ENPP6: variants seen among roughly 807,000 people sequenced by gnomAD.
ENPP6 encodes the protein glycerophosphocholine cholinephosphodiesterase ENPP6.
ENPP6 carries 32 observed loss-of-function variants against 42.0 expected under a neutral mutation model. The ratio of observed to expected loss-of-function variants is 0.76; its 90% CI spans 0.58 to 1.02. The LOEUF (loss-of-function observed/expected upper bound fraction) is 1.02. ENPP6 is among the 50% of genes least tolerant of loss of function. The pLI is 0.00. For synonymous variants in ENPP6, 213 were observed against 216.0 expected (o/e 0.99, Z 0.12); for missense variants, 552 against 566.8 (o/e 0.97, Z 0.27).
At chr4:184,108,114 A>G (rs534594759) in intron 6 of ENPP6, among the ~76,000 whole-genome samples, 17 of 152,284 alleles carry the variant, frequency 1.1e-4, no homozygotes, top group Admixed American at 3.3e-4. Context: ...CAAATCTTCC[A>G]TGTTTCTGGG....
At chr4:184,105,446 T>A (rs28468514) in intron 6 of ENPP6, among the ~76,000 whole-genome samples, 50,374 of 152,048 alleles carry the variant, frequency 0.33, 9,361 homozygotes, top group Non-Finnish European at 0.43. Flanking sequence ...TCTGCTGAAA[T>A]GTTTAGAACA....
chr4:184,171,341 G>A (rs1737457779), intron 1 of ENPP6, among the ~76,000 whole-genome samples: 1 of 152,238 alleles, frequency 6.6e-6, no homozygotes, highest in South Asian at 2.1e-4. Flanking sequence ...CACCCCAAGA[G>A]AGCAAAGAGA....
At chr4:184,166,341 T>C (rs1737346934) in intron 1 of ENPP6, among the ~76,000 whole-genome samples, 1 of 152,138 alleles carries the variant, frequency 6.6e-6, no homozygotes, top group Non-Finnish European at 1.5e-5. Context: ...AGAGGAGACA[T>C]CTTTGATTAG....
chr4:184,151,737 G>T (rs1737028674), intron 2 of ENPP6, among the ~76,000 whole-genome samples: 1 of 152,046 alleles, frequency 6.6e-6, no homozygotes, highest in South Asian at 2.1e-4. Flanking sequence ...TGATAATAAT[G>T]CCTCTGAGAA....
chr4:184,143,970 C>A (rs748972725), intron 2 of ENPP6, among the ~76,000 whole-genome samples: 3 of 152,222 alleles, frequency 2.0e-5, no homozygotes, highest in Admixed American at 6.5e-5. Context: ...TCTGTCCCAC[C>A]ACAGCGAAGT....
At chr4:184,144,612 C>A (rs1368278891) in intron 2 of ENPP6, among the ~76,000 whole-genome samples, 1 of 152,222 alleles carries the variant, frequency 6.6e-6, no homozygotes, top group Admixed American at 6.5e-5. Context: ...AATGGCCTAA[C>A]TAAGGTAGGA....
rs750289408 is a variant in ENPP6 at position 184,153,694 on chromosome 4, A to G, written c.281T>C (p.Met94Thr). 17 of 1,614,040 alleles carry G rather than the reference A, an allele frequency of 1.1e-5. No homozygotes were observed. Among genetic ancestry groups the G allele is most frequent in the Non-Finnish European group, 1.1e-5 (13 of 1,180,028 alleles). The part of the protein sequence containing the change: ...CEVHQMIGNY[M>T]WDPTTNKSFD... ...GGACTTGTTGGTGGTGGGGTCCCAC[A>G]TGTAGTTCCCGATCATCTGATGGAC... The change falls in exon 2 of 8, where the codon ATG (methionine) becomes ACG (threonine). Residue 94 changes from methionine to threonine, a missense_variant. Met to Thr is a moderately conservative substitution (Grantham distance 81). Coordinates refer to ENST00000296741, the MANE Select transcript of ENPP6 (RefSeq NM_153343.4).
At chr4:184,098,833 T>C (rs567172745) in intron 6 of ENPP6, among the ~76,000 whole-genome samples, 28 of 152,312 alleles carry the variant, frequency 1.8e-4, no homozygotes, top group Admixed American at 1.8e-3. Flanking sequence ...GAACGGCCCA[T>C]CCTTGCTAGG....
chr4:184,151,778 T>C (rs1420972601), intron 2 of ENPP6, among the ~76,000 whole-genome samples: 1 of 152,188 alleles, frequency 6.6e-6, no homozygotes, highest in African/African-American at 2.4e-5. Context: ...ATCTTTGTGC[T>C]TTGACCTCAT....
At chr4:184,196,592 T>C (rs1408163492) in intron 1 of ENPP6, among the ~76,000 whole-genome samples, 2 of 152,196 alleles carry the variant, frequency 1.3e-5, no homozygotes, top group African/African-American at 2.4e-5. Context: ...ACAATCTACA[T>C]GTCAAAGCCT....
chr4:184,177,385 GC>G (rs1051532046), intron 1 of ENPP6, among the ~76,000 whole-genome samples: 1 of 152,202 alleles, frequency 6.6e-6, no homozygotes, highest in African/African-American at 2.4e-5. Flanking sequence ...AGCCCCTAGG[GC>G]ATGGAGTGGC....
chr4:184,209,288 G>A (rs1733069831), intron 1 of ENPP6, among the ~76,000 whole-genome samples: 3 of 149,192 alleles, frequency 2.0e-5, no homozygotes, highest in Admixed American at 2.0e-4. Context: ...AAATTACTCT[G>A]AGCTACGGGA....
At chr4:184,177,226 C>T (rs1737579617) in intron 1 of ENPP6, among the ~76,000 whole-genome samples, 1 of 152,230 alleles carries the variant, frequency 6.6e-6, no homozygotes, top group Admixed American at 6.5e-5. Flanking sequence ...CCCCACAGCG[C>T]AGCACAGTGG....
intron 2 of ENPP6, among the ~76,000 whole-genome samples, chr4:184,132,812 CATAT>C (rs985662173): frequency 0.011 from 1,434 of 126,510 alleles, 21 homozygotes; most frequent in South Asian, 0.044. Context: ...TACATATATA[CATAT>C]ATACACACAC....
chr4:184,107,832 G>A (rs935083529), intron 6 of ENPP6, among the ~76,000 whole-genome samples: 3 of 151,648 alleles, frequency 2.0e-5, no homozygotes, highest in Admixed American at 1.3e-4. Flanking sequence ...GGAGAATGGC[G>A]TGAACCCGGG....
At chr4:184,099,396 G>A (rs1332274687) in intron 6 of ENPP6, among the ~76,000 whole-genome samples, 1 of 152,238 alleles carries the variant, frequency 6.6e-6, no homozygotes. Flanking sequence ...TCTCTGAGCT[G>A]CAGTCTCCCT....
intron 3 of ENPP6, among the ~76,000 whole-genome samples, 179 bp from the exon 4 acceptor site, chr4:184,118,079 A>T (rs1480178452): frequency 6.6e-6 from 1 of 152,224 alleles, no homozygotes; most frequent in East Asian, 1.9e-4. Flanking sequence ...CACACACTGA[A>T]CCAAGAATTG....
In ENPP6 at chr4:184,180,020, T is replaced by C. The variant is rs983464562; in HGVS notation, c.242-26287A>G. The stretch of plus-strand genomic sequence containing the variant: ...AGCAGAAGACAAGAAATAACCAAGA[T>C]CAGAGGAGAATGGAAGGAGATGGAG... On this transcript the variant is annotated intron_variant, in intron 1 of 7. Coordinates refer to ENST00000296741, the MANE Select transcript of ENPP6 (RefSeq NM_153343.4). Among the ~76,000 whole-genome samples the C allele has an allele frequency of 2.6e-5, 4 of 151,624 alleles. 1 individual carries two copies. The highest frequency in any genetic ancestry group is 2.6e-4 in the Admixed American group (4 of 15,228).
chr4:184,211,733 T>C (rs1175370234), intron 1 of ENPP6, among the ~76,000 whole-genome samples: 11 of 151,316 alleles, frequency 7.3e-5, no homozygotes, highest in Non-Finnish European at 1.2e-4. Flanking sequence ...CCCTAACTCA[T>C]TTTATGAGGC....
Sources: gnomAD v4.1 joint callset for allele counts (sites outside exome capture counted in the v4.1 genomes callset) on GRCh38, gnomAD v4.1.1 for gene constraint, MANE v1.5 for transcripts, NCBI Gene and HGNC (gene_info 2026-07-23, HGNC 2026-07-21) for gene names.